The following GRHL2 variants were observed in gnomAD, a reference collection of about 807,000 sequenced individuals.
GRHL2 encodes the protein grainyhead-like protein 2 homolog.
A neutral mutation model predicts 83.8 loss-of-function variants in GRHL2; 21 were observed. That is an observed-to-expected ratio of 0.25 (90% CI 0.18 to 0.36). The LOEUF is 0.36. Among genes scored for constraint, GRHL2 ranks in the 10% least tolerant of loss-of-function variants. The pLI is 1.00. For synonymous variants in GRHL2, 280 were observed against 278.9 expected (o/e 1.00, Z -0.04); for missense variants, 623 against 781.8 (o/e 0.80, Z 2.42).
chr8:101,512,018 T>C (rs532426272), intron 1 of GRHL2, among the ~76,000 whole-genome samples: 1 of 152,220 alleles, frequency 6.6e-6, no homozygotes, highest in Non-Finnish European at 1.5e-5. Flanking sequence ...ATTTTTTAAC[T>C]CTTCAGTGTG....
intron 7 of GRHL2, among the ~76,000 whole-genome samples, chr8:101,578,227 T>C (rs1811972768): frequency 6.6e-6 from 1 of 152,122 alleles, no homozygotes; most frequent in African/African-American, 2.4e-5. Context: ...CCTGCAGGGC[T>C]GGAGAATCAA....
chr8:101,598,524 GC>G (rs1234809558), intron 7 of GRHL2, among the ~76,000 whole-genome samples: 1 of 150,128 alleles, frequency 6.7e-6, no homozygotes, highest in Non-Finnish European at 1.5e-5. Flanking sequence ...ACAGGCATGA[GC>G]CACCACACCC....
At chr8:101,515,031 TTCCTTCCTTCCA>T (rs1381801546) in intron 1 of GRHL2, among the ~76,000 whole-genome samples, 4 of 150,660 alleles carry the variant, frequency 2.7e-5, no homozygotes, top group African/African-American at 4.9e-5. Flanking sequence ...TTTTCCTTCC[TTCCTTCCTTCCA>T]TCCTTCCTTC....
At chr8:101,511,663 G>GT (rs557086711) in intron 1 of GRHL2, among the ~76,000 whole-genome samples, 4,563 of 146,486 alleles carry the variant, frequency 0.031, 92 homozygotes, top group Non-Finnish European at 0.043. Context: ...CTTGTTTTTA[G>GT]TTTTTTTTTT....
intron 14 of GRHL2, among the ~76,000 whole-genome samples, chr8:101,661,411 C>G (rs574088885): frequency 5.9e-5 from 9 of 152,172 alleles, no homozygotes; most frequent in African/African-American, 2.2e-4. Context: ...TTCCAGGACA[C>G]CTCCCCCAAA....
At chr8:101,556,099 A>G (rs757103252) in intron 3 of GRHL2, among the ~76,000 whole-genome samples, 4 of 152,176 alleles carry the variant, frequency 2.6e-5, no homozygotes, top group Non-Finnish European at 4.4e-5. Flanking sequence ...CTGGGATTAC[A>G]TGCATGTGCC....
intron 4 of GRHL2, chr8:101,562,252 C>A: frequency 1.7e-6 from 1 of 597,602 alleles, no homozygotes; most frequent in South Asian, 1.5e-5. Flanking sequence ...CACTGGTATT[C>A]GATAGGTTCA....
At chr8:101,594,356 A>G (rs978103987) in intron 7 of GRHL2, among the ~76,000 whole-genome samples, 1 of 152,168 alleles carries the variant, frequency 6.6e-6, no homozygotes, top group Non-Finnish European at 1.5e-5. Context: ...AGCTGTCAAC[A>G]TTTACAACAT....
intron 1 of GRHL2, among the ~76,000 whole-genome samples, chr8:101,518,453 G>C (rs917782750): frequency 2.6e-5 from 4 of 152,086 alleles, no homozygotes; most frequent in African/African-American, 9.7e-5. Flanking sequence ...TATAGGGATG[G>C]GCAGCCATTT....
chr8:101,615,337 C>T (rs1220124044), intron 8 of GRHL2, among the ~76,000 whole-genome samples: 1 of 152,222 alleles, frequency 6.6e-6, no homozygotes, highest in Non-Finnish European at 1.5e-5. Context: ...GATAAGGCCA[C>T]ATTTAATATT....
At chr8:101,571,759 C>G (rs1318407247) in intron 5 of GRHL2, among the ~76,000 whole-genome samples, 1 of 152,164 alleles carries the variant, frequency 6.6e-6, no homozygotes, top group African/African-American at 2.4e-5. Context: ...GCTCCCCACT[C>G]ATCCTCCCCA....
At chr8:101,677,194 C>CTTAT in the GRHL2 span, among the ~76,000 whole-genome samples, 2 of 144,490 alleles carry the variant, frequency 1.4e-5, no homozygotes, top group Non-Finnish European at 3.0e-5. Context: ...CACATGTACC[C>CTTAT]TAAAACTTAA....
chr8:101,680,866 C>A, the GRHL2 span, among the ~76,000 whole-genome samples: 2 of 124,826 alleles, frequency 1.6e-5, no homozygotes, highest in African/African-American at 3.3e-5. Flanking sequence ...TAAAGATGTT[C>A]TTTGAAACCA....
In GRHL2 at chr8:101,669,386, A is replaced by G. The variant is rs1345057582; in HGVS notation, c.*2683A>G. On this transcript the variant is annotated 3_prime_UTR_variant, in exon 16 of 16. Transcript: ENST00000646743. ...CAACAGAAAAATGCAGTCAGATGTC[A>G]TCTTGGAATTGGTTTCTAAAAGAGT... 6 of 152,082 alleles carry G rather than the reference A, an allele frequency of 3.9e-5. No homozygotes were observed. Among genetic ancestry groups the G allele is most frequent in the African/African-American group, 1.2e-4 (5 of 41,316 alleles). The allele number at this position is 152,082 out of a possible 1,614,324, so 9.4% of individuals were successfully genotyped here.
At chr8:101,531,111 C>T (rs1459412972) in intron 1 of GRHL2, among the ~76,000 whole-genome samples, 2 of 151,484 alleles carry the variant, frequency 1.3e-5, no homozygotes, top group East Asian at 3.9e-4. Context: ...ACTCTGGAGG[C>T]TGAGGTGGGA....
intron 7 of GRHL2, among the ~76,000 whole-genome samples, chr8:101,585,539 A>C (rs2470624): frequency 6.6e-6 from 1 of 152,086 alleles, no homozygotes; most frequent in Non-Finnish European, 1.5e-5. Flanking sequence ...CTGGGGTGTG[A>C]GCCAGCAACA....
At chr8:101,519,753 T>C (rs1372228603) in intron 1 of GRHL2, among the ~76,000 whole-genome samples, 2 of 152,172 alleles carry the variant, frequency 1.3e-5, no homozygotes, top group African/African-American at 4.8e-5. Flanking sequence ...TGAAGATATA[T>C]GTATATGTGC....
chr8:101,616,996 C>T (rs1212890378), intron 8 of GRHL2, among the ~76,000 whole-genome samples: 1 of 152,152 alleles, frequency 6.6e-6, no homozygotes, highest in Non-Finnish European at 1.5e-5. Flanking sequence ...GATACTTTAT[C>T]CATCATCTCA....
intron 4 of GRHL2, among the ~76,000 whole-genome samples, chr8:101,563,720 G>T (rs567852931): frequency 0.017 from 2,453 of 145,778 alleles, 62 homozygotes; most frequent in African/African-American, 0.056. Flanking sequence ...TTTTTTTTTT[G>T]TTTTTTTTTG....
Sources: gnomAD v4.1 joint callset for allele counts (sites outside exome capture counted in the v4.1 genomes callset) on GRCh38, gnomAD v4.1.1 for gene constraint, MANE v1.5 for transcripts, NCBI Gene and HGNC (gene_info 2026-07-23, HGNC 2026-07-21) for gene names.